KPNB1: variants seen among roughly 807,000 people sequenced by gnomAD.
KPNB1 encodes importin subunit beta-1.
Under a neutral mutation model 113.0 loss-of-function variants are expected in KPNB1, and 7 were observed. The ratio of observed to expected loss-of-function variants is 0.06; its 90% CI spans 0.04 to 0.12. The LOEUF is 0.12. Ranked by LOEUF, KPNB1 falls within the 10% of genes least tolerant of loss-of-function variation. KPNB1 has a pLI of 1.00. For missense variants in KPNB1, 400 were observed against 1,054.8 expected, an observed-to-expected ratio of 0.38 and a Z score of 8.60; for synonymous variants, 363 against 378.6, an observed-to-expected ratio of 0.96 and a Z score of 0.48.
At chr17:47,664,819 T>C (rs1456660663) in intron 8 of KPNB1, among the ~76,000 whole-genome samples, 1 of 152,204 alleles carries the variant, frequency 6.6e-6, no homozygotes, top group African/African-American at 2.4e-5. Flanking sequence ...TCCATATGAA[T>C]TGAACTTATG....
At chr17:47,668,790 T>G (rs1395176311) in intron 10 of KPNB1, among the ~76,000 whole-genome samples, 1 of 152,168 alleles carries the variant, frequency 6.6e-6, no homozygotes, top group Non-Finnish European at 1.5e-5. Context: ...CCAATAATTT[T>G]TTTTTGCACC....
intron 5 of KPNB1, among the ~76,000 whole-genome samples, chr17:47,660,254 C>T (rs1282598503): frequency 6.6e-6 from 1 of 152,062 alleles, no homozygotes; most frequent in Non-Finnish European, 1.5e-5. Flanking sequence ...GTATGATGTC[C>T]TCGAGATTCA....
intron 3 of KPNB1, 132 bp downstream of exon 3, chr17:47,653,008 A>G: frequency 1.8e-6 from 1 of 547,502 alleles, no homozygotes; most frequent in Non-Finnish European, 3.0e-6. Context: ...ACCTAAAGAT[A>G]AAAATTGTCT....
In KPNB1 at chr17:47,682,771, G is replaced by T. The variant is rs560358944; in HGVS notation, c.*367G>T. On this transcript the variant is annotated 3_prime_UTR_variant, in exon 22 of 22. Coordinates refer to ENST00000290158, the MANE Select transcript of KPNB1 (RefSeq NM_002265.6). ...CAGTGCCGAGTGGAATGCCTGGTTT[G>T]GGGGAGGAGGAGGGACTGGGTTCAG... The T allele has an allele frequency of 1.1e-5, 3 of 281,928 alleles. No homozygotes were observed. The highest frequency in any genetic ancestry group is 2.2e-5 in the African/African-American group (1 of 44,774). The allele number at this position is 281,928 out of a possible 1,614,324, so 17.5% of individuals were successfully genotyped here. A position where few individuals can be genotyped will look rare whatever the true frequency, so the allele number is the denominator to read the frequency against.
intron 11 of KPNB1, chr17:47,670,337 A>G (rs1222023645): frequency 4.6e-6 from 1 of 216,642 alleles, no homozygotes; most frequent in Non-Finnish European, 9.4e-6. Flanking sequence ...CAGAAATGAA[A>G]TGGCAGGTAT....
In KPNB1 at chr17:47,682,662, A is replaced by AC. The variant is rs1360616446; in HGVS notation, c.*259dup. On this transcript the variant is annotated 3_prime_UTR_variant, in exon 22 of 22. Transcript: ENST00000290158. ...ATCGGCCATCTTGGAAAAGAGAAAA[A>AC]CAATGGAGTTACTTATTTAAAAAAA... 1.9e-6 allele frequency: 1 copy of AC among 534,440 alleles called. No homozygotes were observed. The highest frequency in any genetic ancestry group is 3.3e-6 in the Non-Finnish European group (1 of 302,684). 33.1% of individuals were successfully genotyped at this position (534,440 alleles called of 1,614,324 possible).
chr17:47,652,942 T>C, intron 3 of KPNB1, 66 bp downstream of exon 3: 2 of 1,296,198 alleles, frequency 1.5e-6, no homozygotes, highest in Non-Finnish European at 2.1e-6. Context: ...TCAGATCTTT[T>C]GCTATTTGCA....
chr17:47,677,530 T>G (rs1263808874), intron 17 of KPNB1, among the ~76,000 whole-genome samples: 1 of 151,388 alleles, frequency 6.6e-6, no homozygotes, highest in East Asian at 1.9e-4. Flanking sequence ...TCTAGAACAT[T>G]GGCTTTGGGC....
chr17:47,670,443 CAG>C (rs1181909491), intron 11 of KPNB1: 2 of 304,030 alleles, frequency 6.6e-6, no homozygotes, highest in African/African-American at 2.2e-5. Flanking sequence ...TGATTGGAAA[CAG>C]AAGAAATGGC....
At chr17:47,656,746 T>A in intron 3 of KPNB1, 114 bp from the exon 4 acceptor site, 4 of 1,044,102 alleles carry the variant, frequency 3.8e-6, no homozygotes, top group Non-Finnish European at 5.7e-6. Flanking sequence ...AGACCCTGTC[T>A]TAAGAAAGAA....
chr17:47,655,491 T>C (rs768506791), intron 3 of KPNB1, among the ~76,000 whole-genome samples: 9 of 152,176 alleles, frequency 5.9e-5, no homozygotes, highest in Middle Eastern at 3.2e-3. Flanking sequence ...GCAACGTTGT[T>C]TTTGTATTTA....
chr17:47,682,225 T>C (rs900850513), intron 21 of KPNB1, among the ~76,000 whole-genome samples, 179 bp from the exon 22 acceptor site: 3 of 152,204 alleles, frequency 2.0e-5, no homozygotes, highest in African/African-American at 7.2e-5. Flanking sequence ...CACCCTCTGA[T>C]GTAGGTGTTA....
rs149173509 is a variant in KPNB1, at chr17:47,657,028, T to C, written c.451T>C (p.Leu151=). Residue 151 remains leucine (L), a synonymous_variant, in exon 4 of 22, where the codon TTG becomes CTG. Transcript: ENST00000290158. ...CACAGAGCACATGAAGGAGTCGACA[T>C]TGGAAGCCATCGGTTATATTTGCCA... ...NSTEHMKEST[L]EAIGYICQDI... 42 of 1,614,086 alleles carry C rather than the reference T, an allele frequency of 2.6e-5. No homozygotes were observed. Among genetic ancestry groups the C allele is most frequent in the African/African-American group, 1.1e-4 (8 of 74,920 alleles).
chr17:47,650,212 T>C lies in KPNB1; in HGVS notation c.-33T>C. 7.4e-7 allele frequency: 1 copy of C among 1,351,584 alleles called. No individual in the cohort carries two copies. Among genetic ancestry groups the C allele is most frequent in the Non-Finnish European group, 9.8e-7 (1 of 1,025,120 alleles). 83.7% of individuals were successfully genotyped at this position (1,351,584 alleles called of 1,614,324 possible). A position where few individuals can be genotyped will look rare whatever the true frequency, so the allele number is the denominator to read the frequency against. On this transcript the variant is annotated 5_prime_UTR_variant, in exon 1 of 22. Transcript: ENST00000290158. ...CCGCCCGAAAGGCCGGGCCGTCGTCTTAGGAGGAGTCGCCGCCGCCGCCAC... is the reference window on the plus strand; with the variant it reads ...CCGCCCGAAAGGCCGGGCCGTCGTCCTAGGAGGAGTCGCCGCCGCCGCCAC...
chr17:47,670,904 C>T (rs750467523), intron 12 of KPNB1, 72 bp downstream of exon 12: 32 of 1,299,220 alleles, frequency 2.5e-5, no homozygotes, highest in Non-Finnish European at 3.0e-5. Flanking sequence ...TGGAGGATAT[C>T]TAGCTTAATC....
chr17:47,655,428 C>G (rs1915690572), intron 3 of KPNB1, among the ~76,000 whole-genome samples: 1 of 152,116 alleles, frequency 6.6e-6, no homozygotes, highest in Non-Finnish European at 1.5e-5. Flanking sequence ...CAGAACAAAT[C>G]CTTTCAGATT....
intron 4 of KPNB1, among the ~76,000 whole-genome samples, chr17:47,657,548 A>G (rs550650846): frequency 7.9e-5 from 12 of 152,162 alleles, no homozygotes; most frequent in African/African-American, 2.7e-4. Context: ...TATAGACTTT[A>G]TGAAGCAAAG....
At position 47,650,300 on chromosome 17, in the gene KPNB1, CGGGG is replaced by C. The variant is rs747194027; in HGVS notation, c.40+18_40+21del. On this transcript the variant is annotated intron_variant, in intron 1 of 21. Coordinates refer to ENST00000290158, the MANE Select transcript of KPNB1 (RefSeq NM_002265.6). ...GTGTCTCCCGGTAGGACGCAGGAGC[CGGGG>C]GTAGGGCTGAGGTGATTGGGGTGGG... 58 of 1,603,750 alleles carry C rather than the reference CGGGG, an allele frequency of 3.6e-5. No homozygotes were observed. The African/African-American group carries it at 6.3e-4, about 17-fold the overall frequency.
intron 3 of KPNB1, among the ~76,000 whole-genome samples, chr17:47,654,804 G>A (rs1050720530): frequency 6.6e-6 from 1 of 152,204 alleles, no homozygotes; most frequent in African/African-American, 2.4e-5. Flanking sequence ...ATGTAGTGTG[G>A]TGTGAAGGCA....
Sources: gnomAD v4.1 joint callset for allele counts (sites outside exome capture counted in the v4.1 genomes callset) on GRCh38, gnomAD v4.1.1 for gene constraint, MANE v1.5 for transcripts, NCBI Gene and HGNC (gene_info 2026-07-23, HGNC 2026-07-21) for gene names.